BAG3: variants seen among roughly 807,000 people sequenced by gnomAD.
BAG3 encodes the protein BAG family molecular chaperone regulator 3.
Under a neutral mutation model 40.5 loss-of-function variants are expected in BAG3, and 14 were observed. The observed-to-expected ratio is 0.35, with a 90% confidence interval of 0.23 to 0.54. BAG3 has a LOEUF of 0.54. Ranked by LOEUF, BAG3 falls within the 20% of genes least tolerant of loss-of-function variation. BAG3 has a pLI of 0.91. For synonymous variants in BAG3, 302 were observed against 307.8 expected, an observed-to-expected ratio of 0.98 and a Z score of 0.20; for missense variants, 788 against 758.6, an observed-to-expected ratio of 1.04 and a Z score of -0.46.
intron 1 of BAG3, among the ~76,000 whole-genome samples, chr10:119,660,334 C>T (rs1187883869): frequency 6.6e-6 from 1 of 152,226 alleles, no homozygotes; most frequent in Non-Finnish European, 1.5e-5. Flanking sequence ...AGGCCTCTTC[C>T]CCAGAGCAGC....
At chr10:119,662,876 A>G (rs1214738912) in intron 1 of BAG3, among the ~76,000 whole-genome samples, 3 of 152,186 alleles carry the variant, frequency 2.0e-5, no homozygotes, top group East Asian at 1.9e-4. Flanking sequence ...TTAGCTGGGC[A>G]TGGTGGCGGG....
chr10:119,651,416 T>G lies in BAG3; in HGVS notation c.-260T>G, dbSNP rs1013284348. On this transcript the variant is annotated 5_prime_UTR_variant, in exon 1 of 4. Coordinates refer to ENST00000369085, the MANE Select transcript of BAG3 (RefSeq NM_004281.4). ...CGGGCCGCGGCCAACTTCTCTGGAC[T>G]GGACCAGAAGTTTCTAGCCGGCCAG... 4 of 377,372 alleles carry G rather than the reference T, an allele frequency of 1.1e-5. No individual in the cohort carries two copies. Among genetic ancestry groups the G allele is most frequent in the African/African-American group, 8.5e-5 (4 of 46,830 alleles). The allele number at this position is 377,372 out of a possible 1,614,324, so 23.4% of individuals were successfully genotyped here. A position where few individuals can be genotyped will look rare whatever the true frequency, so the allele number is the denominator to read the frequency against.
At chr10:119,660,397 T>A (rs184374966) in intron 1 of BAG3, among the ~76,000 whole-genome samples, 1 of 152,230 alleles carries the variant, frequency 6.6e-6, no homozygotes, top group Non-Finnish European at 1.5e-5. Flanking sequence ...CCTAGAGTTG[T>A]CTTTGGCTCT....
chr10:119,664,769 ATGTTT>A (rs1164082497), intron 1 of BAG3, among the ~76,000 whole-genome samples: 1 of 152,192 alleles, frequency 6.6e-6, no homozygotes, highest in Non-Finnish European at 1.5e-5. Context: ...CTGAAGAGAC[ATGTTT>A]TAGTCAGATT....
At chr10:119,668,016 C>T (rs1285093257) in intron 1 of BAG3, among the ~76,000 whole-genome samples, 2 of 152,222 alleles carry the variant, frequency 1.3e-5, no homozygotes, top group Admixed American at 1.3e-4. Flanking sequence ...GGCAGGAATT[C>T]AGCTCTGAAT....
chr10:119,662,224 T>G (rs1353043799), intron 1 of BAG3, among the ~76,000 whole-genome samples: 6 of 119,582 alleles, frequency 5.0e-5, no homozygotes, highest in Non-Finnish European at 1.1e-4. Context: ...TGTTTTTTTT[T>G]TGTTTTTTTT....
At chr10:119,669,055 G>A (rs1360345212) in intron 1 of BAG3, among the ~76,000 whole-genome samples, 3 of 152,248 alleles carry the variant, frequency 2.0e-5, no homozygotes, top group Non-Finnish European at 4.4e-5. Context: ...AGCACCTGGA[G>A]GCTGTGGAAG....
In BAG3 at chr10:119,672,202, A is replaced by G; in HGVS notation, c.508-53A>G. On this transcript the variant is annotated intron_variant, in intron 2 of 3. Transcript: ENST00000369085. This position sits in a 1 kb window ranked among gnomAD's most constrained non-coding sequence, Gnocchi z 4.8. Reference sequence around the variant, plus strand: ...CAGCAGAAGGCGTGGTCAGGATGCCAAGCCAGGGGAGTCATTTGTGGGGTC... The same window carrying G: ...CAGCAGAAGGCGTGGTCAGGATGCCGAGCCAGGGGAGTCATTTGTGGGGTC... The G allele has an allele frequency of 6.2e-7, 1 of 1,607,004 alleles. No individual in the cohort carries two copies. Among genetic ancestry groups the G allele is most frequent in the Non-Finnish European group, 8.5e-7 (1 of 1,179,648 alleles).
chr10:119,651,545 A>C lies in BAG3; in HGVS notation c.-131A>C. Reference sequence around the variant, plus strand: ...ACGTCACCCCCGCCTTTAATTCATAAAGGTGCCCGGCGCCGGCTTCCCGGA... The same window carrying C: ...ACGTCACCCCCGCCTTTAATTCATACAGGTGCCCGGCGCCGGCTTCCCGGA... On this transcript the variant is annotated 5_prime_UTR_variant, in exon 1 of 4. Transcript: ENST00000369085. 2.4e-6 allele frequency: 2 copies of C among 849,168 alleles called. No individual in the cohort carries two copies. Among genetic ancestry groups the C allele is most frequent in the Non-Finnish European group, 3.3e-6 (2 of 612,946 alleles). The allele number at this position is 849,168 out of a possible 1,614,324, so 52.6% of individuals were successfully genotyped here. A position where few individuals can be genotyped will look rare whatever the true frequency, so the allele number is the denominator to read the frequency against.
chr10:119,652,147 G>A (rs1467780881), intron 1 of BAG3, among the ~76,000 whole-genome samples: 7 of 152,088 alleles, frequency 4.6e-5, no homozygotes, highest in African/African-American at 1.7e-4. Flanking sequence ...ACTCCAGGGC[G>A]GAAGGCCGGG....
At chr10:119,652,547 T>C (rs1846857785) in intron 1 of BAG3, among the ~76,000 whole-genome samples, 1 of 152,216 alleles carries the variant, frequency 6.6e-6, no homozygotes, top group Non-Finnish European at 1.5e-5. Flanking sequence ...AAAAACAGGG[T>C]GTGCTTCTCC....
chr10:119,672,160 T>A lies in BAG3; in HGVS notation c.508-95T>A, dbSNP rs1564774349. 2 of 1,490,584 alleles carry A rather than the reference T, an allele frequency of 1.3e-6. No individual in the cohort carries two copies. Among genetic ancestry groups the A allele is most frequent in the Admixed American group, 3.3e-5 (2 of 59,744 alleles). The allele number at this position is 1,490,584 out of a possible 1,614,324, so 92.3% of individuals were successfully genotyped here. On this transcript the variant is annotated intron_variant, in intron 2 of 3. Transcript: ENST00000369085. The surrounding 1 kb of genome is among the most constrained non-coding windows in gnomAD (Gnocchi z 4.8). The stretch of plus-strand genomic sequence containing the variant: ...AGATAGGAGGTCTTACAATATGGAT[T>A]GCCCTGAGGAGGTGCACAGCAGAAG...
At chr10:119,674,074 C>T (rs965065104) in intron 3 of BAG3, among the ~76,000 whole-genome samples, 7 of 152,212 alleles carry the variant, frequency 4.6e-5, no homozygotes, top group Non-Finnish European at 5.9e-5. Context: ...TCATGAGCAC[C>T]GCATTTAGAT....
chr10:119,671,593 T>C (rs74637262), intron 2 of BAG3, among the ~76,000 whole-genome samples: 1 of 152,272 alleles, frequency 6.6e-6, no homozygotes, highest in African/African-American at 2.4e-5. Context: ...GCGCTTCCTG[T>C]GTGCTGGCCT....
intron 1 of BAG3, among the ~76,000 whole-genome samples, chr10:119,669,121 T>C (rs993472842): frequency 6.6e-6 from 1 of 152,122 alleles, no homozygotes; most frequent in African/African-American, 2.4e-5. Flanking sequence ...CTTAGCAGTG[T>C]CTTTTGCTAA....
chr10:119,671,478 A>G (rs942325413), intron 2 of BAG3, among the ~76,000 whole-genome samples: 4 of 152,186 alleles, frequency 2.6e-5, no homozygotes, highest in Non-Finnish European at 5.9e-5. Flanking sequence ...AAGGTGCTTG[A>G]CCTGCCTTGG....
chr10:119,671,325 AT>A (rs1564774154), intron 2 of BAG3, among the ~76,000 whole-genome samples: 1 of 152,212 alleles, frequency 6.6e-6, no homozygotes, highest in Non-Finnish European at 1.5e-5. Context: ...AAAATAAGTA[AT>A]GCCTATATTT....
At chr10:119,663,437 G>A (rs1345059510) in intron 1 of BAG3, among the ~76,000 whole-genome samples, 1 of 151,966 alleles carries the variant, frequency 6.6e-6, no homozygotes, top group East Asian at 1.9e-4. Flanking sequence ...TAAGCAGCTG[G>A]GATTATGATG....
chr10:119,662,080 C>G (rs769717653), intron 1 of BAG3, among the ~76,000 whole-genome samples: 1 of 152,160 alleles, frequency 6.6e-6, no homozygotes, highest in Admixed American at 6.5e-5. Context: ...CAGAGCCTCA[C>G]TCTCTTGCCC....
Sources: allele counts gnomAD v4.1 joint callset (sites outside exome capture counted in the v4.1 genomes callset), GRCh38; gene constraint gnomAD v4.1.1; non-coding constraint Gnocchi (gnomAD v3.1); transcripts MANE v1.5; gene names NCBI Gene and HGNC (gene_info 2026-07-23, HGNC 2026-07-21).